The following ABCA9 variants were observed in gnomAD, a reference collection of about 807,000 sequenced individuals.
ABCA9 encodes the protein ATP-binding cassette sub-family A member 9.
A neutral mutation model predicts 205.3 loss-of-function variants in ABCA9; 183 were observed. That is an observed-to-expected ratio of 0.89 (90% CI 0.79 to 1.01). The LOEUF is 1.01. ABCA9 is among the 50% of genes least tolerant of loss of function. ABCA9 has a pLI of 0.00. For synonymous variants in ABCA9, 651 were observed against 683.3 expected (o/e 0.95, Z 0.74); for missense variants, 1,805 against 1,912.4 (o/e 0.94, Z 1.05).
At chr17:68,977,917 G>A (rs1845557831) in intron 37 of ABCA9, among the ~76,000 whole-genome samples, 1 of 152,158 alleles carries the variant, frequency 6.6e-6, no homozygotes, top group South Asian at 2.1e-4. Flanking sequence ...ATTTGAGGTG[G>A]GAGGGAATGC....
At chr17:69,015,757 T>TAG (rs1167767370) in intron 22 of ABCA9, among the ~76,000 whole-genome samples, 1 of 152,072 alleles carries the variant, frequency 6.6e-6, no homozygotes, top group Non-Finnish European at 1.5e-5. Flanking sequence ...ATCTGTTTTT[T>TAG]GTAAATTGAT....
At chr17:68,983,583 TAAGTA>T (rs1416517014) in intron 36 of ABCA9, 121 bp downstream of exon 36, 5 of 1,331,156 alleles carry the variant, frequency 3.8e-6, no homozygotes, top group African/African-American at 2.9e-5. Flanking sequence ...GAATTTCTCT[TAAGTA>T]AAGTACTTGC....
chr17:69,042,462 T>C (rs1031678069), intron 6 of ABCA9: 24 of 152,236 alleles, frequency 1.6e-4, no homozygotes, highest in Admixed American at 1.3e-3. Flanking sequence ...CGGCCTCAGC[T>C]AAAATATCTC....
chr17:69,014,850 A>G (rs1329886180), intron 22 of ABCA9, among the ~76,000 whole-genome samples: 1 of 152,154 alleles, frequency 6.6e-6, no homozygotes, highest in Non-Finnish European at 1.5e-5. Flanking sequence ...AGAAAGTTTG[A>G]CAGTATGGAC....
rs779366486 is a variant in ABCA9 at position 69,008,108 on chromosome 17, A to C, written c.3275T>G (p.Phe1092Cys). ...TATAAATATAATCTCCTCTGGGCTA[A>C]AAATATAATCCATTATTTGCATTAG... ...LLLMQIMDYI[F>C]SPEEIIFIIQ... Residue 1092 changes from phenylalanine to cysteine, a missense_variant, in exon 24 of 39, where the codon TTT becomes TGT. Physicochemically the swap from Phe to Cys is radical, Grantham distance 205 (BLOSUM62 -2). Transcript: ENST00000340001. 1 of 1,613,218 alleles carries C rather than the reference A, an allele frequency of 6.2e-7. No individual in the cohort carries two copies. The highest frequency in any genetic ancestry group is 1.1e-5 in the South Asian group (1 of 91,028).
chr17:69,020,669 A>C, intron 18 of ABCA9, 83 bp from the exon 19 acceptor site: 1 of 1,313,262 alleles, frequency 7.6e-7, no homozygotes, highest in South Asian at 1.4e-5. Flanking sequence ...TTTCCTACAA[A>C]GGTGTCAAAG....
intron 22 of ABCA9, 126 bp downstream of exon 22, chr17:69,016,120 ATATACAC>A: frequency 1.6e-5 from 3 of 188,212 alleles, no homozygotes; most frequent in Non-Finnish European, 3.2e-5. Context: ...ATATATATAT[ATATACAC>A]ACACACACAC....
At chr17:69,036,678 C>T (rs955979191) in intron 6 of ABCA9, among the ~76,000 whole-genome samples, 1 of 151,618 alleles carries the variant, frequency 6.6e-6, no homozygotes, top group African/African-American at 2.4e-5. Context: ...TCACACATAA[C>T]AATATTAACC....
At chr17:69,032,654 C>T (rs534047728) in intron 9 of ABCA9, 2 of 161,402 alleles carry the variant, frequency 1.2e-5, no homozygotes, top group South Asian at 1.7e-4. Context: ...GGCTGCAGTC[C>T]AGTAGCATGA....
chr17:69,036,871 C>CAAAGAAAAA (rs2071357581), intron 6 of ABCA9, among the ~76,000 whole-genome samples: 1 of 4,708 alleles, frequency 2.1e-4, no homozygotes, highest in Non-Finnish European at 4.2e-4. Context: ...AAATGGAAAG[C>CAAAGAAAAA]AAAAAAAAAA....
At chr17:69,014,929 C>T (rs1466997644) in intron 22 of ABCA9, among the ~76,000 whole-genome samples, 1 of 152,072 alleles carries the variant, frequency 6.6e-6, no homozygotes, top group Non-Finnish European at 1.5e-5. Flanking sequence ...GGTCTGGGGC[C>T]AAGCTAAACA....
chr17:68,981,579 C>T (rs556739547), intron 37 of ABCA9, among the ~76,000 whole-genome samples: 1 of 152,106 alleles, frequency 6.6e-6, no homozygotes, highest in South Asian at 2.1e-4. Flanking sequence ...GAAAGTGAAA[C>T]AAAAACCTAT....
intron 27 of ABCA9, chr17:68,992,757 G>A (rs1167666900): frequency 6.4e-6 from 2 of 314,080 alleles, no homozygotes; most frequent in Non-Finnish European, 1.2e-5. Context: ...AGGTTGTGGT[G>A]AGCTGAGATA....
chr17:68,984,806 T>A, intron 34 of ABCA9, 79 bp downstream of exon 34: 5 of 1,575,342 alleles, frequency 3.2e-6, no homozygotes, highest in Non-Finnish European at 4.3e-6. Context: ...TTTTCCTTTC[T>A]AAGTAAACAA....
chr17:68,987,758 G>GTTTTTTTTTTTTTTTTTTTTTTT (rs72302464), intron 31 of ABCA9, among the ~76,000 whole-genome samples: 1 of 95,418 alleles, frequency 1.0e-5, no homozygotes. Flanking sequence ...TTGTTTGTTT[G>GTTTTTTTTTTTTTTTTTTTTTTT]TTTGTTTGTT....
intron 10 of ABCA9, among the ~76,000 whole-genome samples, chr17:69,030,178 G>A (rs1256853644): frequency 6.6e-6 from 1 of 152,188 alleles, no homozygotes; most frequent in Non-Finnish European, 1.5e-5. Context: ...TGCTTGGGCT[G>A]CTATAACAAA....
rs2070777630 is a variant in ABCA9, at chr17:69,020,538, C to T, written c.2450G>A (p.Gly817Glu). Residue 817 changes from glycine to glutamate, a missense_variant, in exon 19 of 39, where the codon GGA becomes GAA. By Grantham distance (98) the Gly-to-Glu change is moderately conservative (BLOSUM62 -2). Transcript: ENST00000340001. Reference sequence around the variant, plus strand: ...AACTTGTTCCAGCTCAACAAGGCTTCCTATATCTTTTGCCCCATCAGTTTG... The same window carrying T: ...AACTTGTTCCAGCTCAACAAGGCTTTCTATATCTTTTGCCCCATCAGTTTG... ...QLQTDGAKDI[G>E]SLVELEQVLS... The T allele has an allele frequency of 6.2e-7, 1 of 1,613,946 alleles. No homozygotes were observed. The highest frequency in any genetic ancestry group is 8.5e-7 in the Non-Finnish European group (1 of 1,179,952).
intron 2 of ABCA9, among the ~76,000 whole-genome samples, chr17:69,050,323 AACACACACACACACACACGAACAC>A (rs1024060457): frequency 1.6e-5 from 2 of 123,858 alleles, no homozygotes; most frequent in African/African-American, 5.5e-5. Flanking sequence ...TTGTTGCATG[AACACACACACACACACACGAACAC>A]ACACACACAC....
intron 6 of ABCA9, among the ~76,000 whole-genome samples, chr17:69,039,684 C>G (rs1399649654): frequency 6.6e-6 from 1 of 152,036 alleles, no homozygotes; most frequent in Admixed American, 6.6e-5. Flanking sequence ...GAAATAGCAA[C>G]AAAAGCAAAA....
Sources: gnomAD v4.1 joint callset for allele counts (sites outside exome capture counted in the v4.1 genomes callset) on GRCh38, gnomAD v4.1.1 for gene constraint, MANE v1.5 for transcripts, NCBI Gene and HGNC (gene_info 2026-07-23, HGNC 2026-07-21) for gene names.